The following ZNF573 variants were observed in gnomAD, a reference collection of about 807,000 sequenced individuals.
The protein encoded by ZNF573 is zinc finger protein 573.
Under a neutral mutation model 57.4 loss-of-function variants are expected in ZNF573, and 41 were observed. The observed-to-expected ratio is 0.71, with a 90% CI of 0.56 to 0.93. The LOEUF (loss-of-function observed/expected upper bound fraction) is 0.93. Ranked by LOEUF, ZNF573 falls within the 40% of genes least tolerant of loss-of-function variation. The pLI is 0.00. For synonymous variants in ZNF573, 249 were observed against 261.0 expected (o/e 0.95, Z 0.44); for missense variants, 730 against 794.8 (o/e 0.92, Z 0.98).
At chr19:37,763,590 A>G (rs1435801918) in intron 4 of ZNF573, among the ~76,000 whole-genome samples, 57 of 152,026 alleles carry the variant, frequency 3.7e-4, no homozygotes, top group Non-Finnish European at 2.9e-5. Flanking sequence ...CAAAAAAAAC[A>G]GAGTAAATAT....
intron 4 of ZNF573, among the ~76,000 whole-genome samples, chr19:37,747,598 G>A (rs1360239498): frequency 6.6e-6 from 1 of 152,130 alleles, no homozygotes; most frequent in African/African-American, 2.4e-5. Context: ...TTGGAGTGAA[G>A]AAACCTGGCA....
At chr19:37,762,963 G>C (rs1286202071) in intron 4 of ZNF573, among the ~76,000 whole-genome samples, 2 of 152,042 alleles carry the variant, frequency 1.3e-5, no homozygotes, top group East Asian at 3.9e-4. Context: ...GGTAGAGACA[G>C]GGTTTCACCA....
At position 37,738,401 on chromosome 19, in the gene ZNF573, C is replaced by G. The variant is rs1253934557; in HGVS notation, c.*91G>C. 3 of 1,365,308 alleles carry G rather than the reference C, an allele frequency of 2.2e-6. No homozygotes were observed. The highest frequency in any genetic ancestry group is 2.9e-6 in the Non-Finnish European group (3 of 1,042,672). 84.6% of individuals were successfully genotyped at this position (1,365,308 alleles called of 1,614,324 possible). A position where few individuals can be genotyped will look rare whatever the true frequency, so the allele number is the denominator to read the frequency against. On this transcript the variant is annotated 3_prime_UTR_variant, in exon 5 of 5. Coordinates refer to ENST00000536220, the MANE Select transcript of ZNF573 (RefSeq NM_001172690.2). ...TCTGCATTTTGAACTCTCTCAATTGCTAAAGCCATACCTATAAGACTAACA... is the reference window on the plus strand; with the variant it reads ...TCTGCATTTTGAACTCTCTCAATTGGTAAAGCCATACCTATAAGACTAACA...
At chr19:37,774,126 C>CTTTTTT (rs539456711) in intron 1 of ZNF573, among the ~76,000 whole-genome samples, 2 of 87,786 alleles carry the variant, frequency 2.3e-5, no homozygotes, top group Non-Finnish European at 2.2e-5. Flanking sequence ...CTAGAAGCTT[C>CTTTTTT]TTTTTTTTTT....
rs894035886 is a variant in ZNF573, at chr19:37,771,787, T to C, written c.70-91A>G. On this transcript the variant is annotated intron_variant, in intron 2 of 4. Coordinates refer to ENST00000536220, the MANE Select transcript of ZNF573 (RefSeq NM_001172690.2). ...AGCACATTAGAGAAAAGGAGTGATATAGTATATGTGGCTAATGACTGGTAG... is the reference window on the plus strand; with the variant it reads ...AGCACATTAGAGAAAAGGAGTGATACAGTATATGTGGCTAATGACTGGTAG... The C allele has an allele frequency of 3.0e-6, 4 of 1,352,918 alleles. No individual in the cohort carries two copies. In the African/African-American group the frequency reaches 4.6e-5, roughly 15 times the overall value. 83.8% of individuals were successfully genotyped at this position (1,352,918 alleles called of 1,614,324 possible).
intron 4 of ZNF573, among the ~76,000 whole-genome samples, chr19:37,750,607 A>C (rs1359995998): frequency 6.6e-6 from 1 of 152,162 alleles, no homozygotes; most frequent in Non-Finnish European, 1.5e-5. Flanking sequence ...ATACATGCAG[A>C]AAGAATGATT....
At chr19:37,772,356 C>T (rs1414559463) in intron 2 of ZNF573, among the ~76,000 whole-genome samples, 4 of 151,710 alleles carry the variant, frequency 2.6e-5, no homozygotes, top group Non-Finnish European at 5.9e-5. Context: ...TGGTTTCAAA[C>T]TCCTGGGCTC....
intron 4 of ZNF573, among the ~76,000 whole-genome samples, chr19:37,746,308 TAAC>T (rs2045381823): frequency 6.6e-6 from 1 of 152,274 alleles, no homozygotes; most frequent in Non-Finnish European, 1.5e-5. Context: ...GGGTACAGGT[TAAC>T]AACTCAGAAA....
chr19:37,765,766 C>T (rs990627255), intron 4 of ZNF573, among the ~76,000 whole-genome samples: 1 of 151,510 alleles, frequency 6.6e-6, no homozygotes, highest in Non-Finnish European at 1.5e-5. Flanking sequence ...GGGCCAGGCA[C>T]GGTGGCTCAT....
chr19:37,758,636 C>A (rs2145307852), intron 4 of ZNF573: 1 of 150,488 alleles, frequency 6.6e-6, no homozygotes, highest in South Asian at 2.1e-4. Context: ...ATTACCCAGT[C>A]TGGTTCTAAA....
At chr19:37,767,328 A>C (rs934984988) in intron 4 of ZNF573, among the ~76,000 whole-genome samples, 2 of 151,588 alleles carry the variant, frequency 1.3e-5, no homozygotes, top group South Asian at 4.2e-4. Context: ...TCTCGGGTTC[A>C]CGCTCTTCTC....
intron 4 of ZNF573, among the ~76,000 whole-genome samples, chr19:37,760,184 C>G (rs856300): frequency 0.73 from 111,324 of 152,032 alleles, 41,605 homozygotes; most frequent in Middle Eastern, 0.83. Context: ...CGAGCAATTA[C>G]CATACCTAAG....
intron 1 of ZNF573, among the ~76,000 whole-genome samples, chr19:37,777,257 G>C (rs758464948): frequency 6.6e-6 from 1 of 152,016 alleles, no homozygotes; most frequent in Non-Finnish European, 1.5e-5. Context: ...TAAGTGATCT[G>C]CTGGCCTCAG....
chr19:37,773,908 G>A (rs1461540127), intron 1 of ZNF573, among the ~76,000 whole-genome samples, 157 bp from the exon 2 acceptor site: 6 of 152,082 alleles, frequency 3.9e-5, no homozygotes, highest in Admixed American at 3.9e-4. Context: ...CACACCCCAG[G>A]AAACCCAGCT....
At chr19:37,745,763 G>A (rs1297853091) in intron 4 of ZNF573, among the ~76,000 whole-genome samples, 1 of 152,104 alleles carries the variant, frequency 6.6e-6, no homozygotes, top group Non-Finnish European at 1.5e-5. Context: ...GTACATAGAG[G>A]ATTTCTTAAT....
chr19:37,758,936 G>A (rs2045524597), intron 4 of ZNF573: 2 of 341,568 alleles, frequency 5.9e-6, no homozygotes, highest in Non-Finnish European at 8.3e-6. Flanking sequence ...CAGGAAGGCT[G>A]CTATTTTCAG....
chr19:37,767,739 C>T (rs1298459202), intron 4 of ZNF573, among the ~76,000 whole-genome samples: 1 of 152,056 alleles, frequency 6.6e-6, no homozygotes, highest in Admixed American at 6.6e-5. Flanking sequence ...GGTCAGAGAA[C>T]ATATTTAAGC....
At chr19:37,777,788 C>A (rs1008929979) in intron 1 of ZNF573, among the ~76,000 whole-genome samples, 14 of 148,296 alleles carry the variant, frequency 9.4e-5, no homozygotes, top group Non-Finnish European at 1.8e-4. Context: ...GTAATCCCAG[C>A]ACTTTGGGAG....
chr19:37,740,533 G>A (rs2045317745), intron 4 of ZNF573: 1 of 459,690 alleles, frequency 2.2e-6, no homozygotes, highest in South Asian at 1.6e-5. Flanking sequence ...ACCTATCACT[G>A]ATTTAGATGC....
Sources: allele counts gnomAD v4.1 joint callset (sites outside exome capture counted in the v4.1 genomes callset), GRCh38; gene constraint gnomAD v4.1.1; transcripts MANE v1.5; gene names NCBI Gene and HGNC (gene_info 2026-07-23, HGNC 2026-07-21).